ESRP1: variants seen among roughly 807,000 people sequenced by gnomAD.
The protein encoded by ESRP1 is epithelial splicing regulatory protein 1.
ESRP1 carries 33 observed loss-of-function variants against 81.7 expected under a neutral mutation model. That is an observed-to-expected ratio of 0.40 (90% CI 0.31 to 0.54). ESRP1 has a LOEUF of 0.54. ESRP1 is among the 20% of genes least tolerant of loss of function. The pLI is 0.41. For missense variants in ESRP1, 672 were observed against 833.1 expected, an observed-to-expected ratio of 0.81 and a Z score of 2.38; for synonymous variants, 320 against 303.3, an observed-to-expected ratio of 1.06 and a Z score of -0.57.
intron 11 of ESRP1, among the ~76,000 whole-genome samples, chr8:94,673,129 T>C (rs1819416580): frequency 6.6e-6 from 1 of 152,228 alleles, no homozygotes; most frequent in Non-Finnish European, 1.5e-5. Context: ...TATTAAATTA[T>C]GCAACTTGTT....
At chr8:94,678,393 A>G (rs1203303240) in intron 13 of ESRP1, 22 bp downstream of exon 13, 1 of 1,603,456 alleles carries the variant, frequency 6.2e-7, no homozygotes, top group Middle Eastern at 1.7e-4. Flanking sequence ...ACAGAGGTGG[A>G]AATGAGGGGC....
In ESRP1 at chr8:94,664,992, T is replaced by C; in HGVS notation, c.821T>C (p.Val274Ala). Residue 274 changes from valine to alanine, a missense_variant, in exon 8 of 16, where the codon GTA becomes GCA. Val to Ala is a moderately conservative substitution (Grantham distance 64, BLOSUM62 0). Transcript: ENST00000433389. ...AACGGAGAAGCTCTGGTTAGGTTTG[T>C]AAGTGAGGAGCACCGAGACCTAGCA... ...RRNGEALVRF[V>A]SEEHRDLALQ... 3 of 1,613,544 alleles carry C rather than the reference T, an allele frequency of 1.9e-6. No homozygotes were observed. Among genetic ancestry groups the C allele is most frequent in the South Asian group, 1.1e-5 (1 of 91,026 alleles).
chr8:94,701,637 G>A (rs887735851), intron 15 of ESRP1, among the ~76,000 whole-genome samples: 5 of 151,184 alleles, frequency 3.3e-5, no homozygotes, highest in African/African-American at 1.2e-4. Flanking sequence ...TAGAGACAAG[G>A]TCTCACTATG....
chr8:94,657,095 C>T (rs1278768548), intron 4 of ESRP1, among the ~76,000 whole-genome samples: 1 of 152,158 alleles, frequency 6.6e-6, no homozygotes, highest in Admixed American at 6.5e-5. Flanking sequence ...CTCTAGACTC[C>T]TCTAACATGC....
intron 15 of ESRP1, among the ~76,000 whole-genome samples, chr8:94,703,925 C>T (rs1433324924): frequency 6.6e-6 from 1 of 152,150 alleles, no homozygotes; most frequent in Non-Finnish European, 1.5e-5. Context: ...AAAATAGATA[C>T]TGATCAATAG....
chr8:94,644,621 A>G (rs1817756324), intron 3 of ESRP1, among the ~76,000 whole-genome samples: 1 of 152,204 alleles, frequency 6.6e-6, no homozygotes, highest in South Asian at 2.1e-4. Flanking sequence ...CGGAAGGACA[A>G]GACTTAATCT....
rs140473923 is a variant in ESRP1 at position 94,694,042 on chromosome 8, A to G, written c.1971+1215A>G. On this transcript the variant is annotated intron_variant, in intron 14 of 15. Transcript: ENST00000433389. ...TAAAAAGTTACTTTTTAAACTTCCT[A>G]TCTGATTCATTAGATTATAAAAGGA... is the stretch of plus-strand genomic sequence containing the variant. Among the ~76,000 whole-genome samples, 337 of 152,314 alleles carry G rather than the reference A, an allele frequency of 2.2e-3. 1 individual carries two copies. The Middle Eastern group carries it at 0.044, about 20-fold the overall frequency.
rs1809446924 is a variant in ESRP1 at position 94,692,598 on chromosome 8, C to CT, written c.1821-77dup. ...AGGTTGCCTTGAGAAATTCTGTTTC[C>CT]TTAAGTAACTAATGTTTTTATAGTA... On this transcript the variant is annotated intron_variant, in intron 13 of 15. Coordinates refer to ENST00000433389, the MANE Select transcript of ESRP1 (RefSeq NM_017697.4). 13 of 1,473,440 alleles carry CT rather than the reference C, an allele frequency of 8.8e-6. No homozygotes were observed. In the South Asian group the frequency reaches 1.7e-4, roughly 19 times the overall value. 91.3% of individuals were successfully genotyped at this position (1,473,440 alleles called of 1,614,324 possible).
chr8:94,699,586 G>A (rs1439881608), intron 15 of ESRP1, among the ~76,000 whole-genome samples: 5 of 152,152 alleles, frequency 3.3e-5, no homozygotes, highest in Admixed American at 1.3e-4. Context: ...GTTGCAGTGA[G>A]CCATGATTGT....
chr8:94,651,035 A>G (rs1377974009), intron 4 of ESRP1, among the ~76,000 whole-genome samples: 1 of 152,120 alleles, frequency 6.6e-6, no homozygotes, highest in African/African-American at 2.4e-5. Flanking sequence ...GTAAGTACCA[A>G]GGAGTGTGAC....
intron 13 of ESRP1, 40 bp downstream of exon 13, chr8:94,678,411 A>G (rs1483404901): frequency 1.3e-6 from 2 of 1,596,982 alleles, no homozygotes; most frequent in Non-Finnish European, 1.7e-6. Flanking sequence ...GGCAGAAACA[A>G]AGGACTCCTT....
At chr8:94,670,712 T>C (rs980081306) in intron 10 of ESRP1, among the ~76,000 whole-genome samples, 2 of 152,218 alleles carry the variant, frequency 1.3e-5, no homozygotes, top group Non-Finnish European at 2.9e-5. Context: ...CAGTCTTTTG[T>C]CTAAAATTCG....
intron 9 of ESRP1, among the ~76,000 whole-genome samples, chr8:94,666,328 T>C (rs1819014681): frequency 6.6e-6 from 1 of 152,230 alleles, no homozygotes; most frequent in African/African-American, 2.4e-5. Flanking sequence ...ATTTTGAGAA[T>C]GGCCTGAGCA....
At chr8:94,666,925 GGGCTTGGT>G (rs1199934144) in intron 9 of ESRP1, among the ~76,000 whole-genome samples, 1 of 152,174 alleles carries the variant, frequency 6.6e-6, no homozygotes, top group Non-Finnish European at 1.5e-5. Flanking sequence ...ATTAGGGGCT[GGGCTTGGT>G]GGCTCATGCC....
chr8:94,683,492 G>T lies in ESRP1; in HGVS notation c.1820+5121G>T, dbSNP rs550659610. Among the ~76,000 whole-genome samples, 4 of 152,156 alleles carry T rather than the reference G, an allele frequency of 2.6e-5. No homozygotes were observed. In the East Asian group the frequency reaches 5.8e-4, roughly 22 times the overall value. On this transcript the variant is annotated intron_variant, in intron 13 of 15. Coordinates refer to ENST00000433389, the MANE Select transcript of ESRP1 (RefSeq NM_017697.4). Reference sequence around the variant, plus strand: ...TACATGGAGATCCCTTGTACACTTCGCCTAGTTTATCCCAATGGTAACATA... The same window carrying T: ...TACATGGAGATCCCTTGTACACTTCTCCTAGTTTATCCCAATGGTAACATA...
chr8:94,651,261 T>TG (rs398008850), intron 4 of ESRP1, among the ~76,000 whole-genome samples: 4 of 132,788 alleles, frequency 3.0e-5, no homozygotes, highest in South Asian at 2.7e-4. Context: ...TTTTTTTTTT[T>TG]GGGCAAAGTC....
Position 94,664,711 on chromosome 8 carries a change from T to C in ESRP1, c.659T>C (p.Leu220Pro). ...TTCATCCACAGCAGCAAGATGGAACTTATTGATGATAACACCGTAGTCAGG... is the reference window on the plus strand; with the variant it reads ...TTCATCCACAGCAGCAAGATGGAACCTATTGATGATAACACCGTAGTCAGG... ...FESGTCSKME[L>P]IDDNTVVRAR... The change falls in exon 7 of 16, where the codon CTT becomes CCT. Residue 220 changes from leucine to proline, a missense_variant. By Grantham distance (98) the Leu-to-Pro change is moderately conservative. Transcript: ENST00000433389. 1 of 1,613,820 alleles carries C rather than the reference T, an allele frequency of 6.2e-7. No homozygotes were observed. The highest frequency in any genetic ancestry group is 8.5e-7 in the Non-Finnish European group (1 of 1,179,750).
chr8:94,649,359 T>C lies in ESRP1; in HGVS notation c.490+3077T>C, dbSNP rs72676912. ...ACCATATCCTGGCCTCATTTATTTTTTAATTAGTAGGCTTTATTTTTTTGA... is the reference window on the plus strand; with the variant it reads ...ACCATATCCTGGCCTCATTTATTTTCTAATTAGTAGGCTTTATTTTTTTGA... On this transcript the variant is annotated intron_variant, in intron 4 of 15. Coordinates refer to ENST00000433389, the MANE Select transcript of ESRP1 (RefSeq NM_017697.4). Among the ~76,000 whole-genome samples, 945 of 152,308 alleles carry C rather than the reference T, an allele frequency of 6.2e-3. 6 individuals carry two copies. Among genetic ancestry groups the C allele is most frequent in the Middle Eastern group, 0.02 (6 of 294 alleles).
In ESRP1 at chr8:94,643,267, A is replaced by C. The variant is rs774338777; in HGVS notation, c.262-36A>C. On this transcript the variant is annotated intron_variant, in intron 2 of 15. Coordinates refer to ENST00000433389, the MANE Select transcript of ESRP1 (RefSeq NM_017697.4). ...ACTTTGCAGAGTTTGTAAATCGTGC[A>C]TCAGTTGCATCCCTATGTGTATCTT... 27 of 1,381,466 alleles carry C rather than the reference A, an allele frequency of 2.0e-5. 1 individual carries two copies. Among genetic ancestry groups the C allele is most frequent in the Non-Finnish European group, 1.0e-6 (1 of 968,894 alleles). The allele number at this position is 1,381,466 out of a possible 1,614,324, so 85.6% of individuals were successfully genotyped here. A position where few individuals can be genotyped will look rare whatever the true frequency, so the allele number is the denominator to read the frequency against.
Sources: allele counts gnomAD v4.1 joint callset (sites outside exome capture counted in the v4.1 genomes callset), GRCh38; gene constraint gnomAD v4.1.1; transcripts MANE v1.5; gene names NCBI Gene and HGNC (gene_info 2026-07-23, HGNC 2026-07-21).